ZC3HAV1: variants seen among roughly 807,000 people sequenced by gnomAD.
ZC3HAV1 encodes the protein zinc finger CCCH-type containing, antiviral 1, also known as zinc finger CCCH-type antiviral protein 1.
Under a neutral mutation model 86.6 loss-of-function variants are expected in ZC3HAV1, and 41 were observed. The ratio of observed to expected loss-of-function variants is 0.47; its 90% CI spans 0.37 to 0.61. ZC3HAV1 has a LOEUF of 0.61. Among genes scored for constraint, ZC3HAV1 ranks in the 20% least tolerant of loss-of-function variants. ZC3HAV1 has a pLI of 0.00. For missense variants in ZC3HAV1, 964 were observed against 1,141.1 expected, an observed-to-expected ratio of 0.84 and a Z score of 2.24; for synonymous variants, 421 against 432.1, an observed-to-expected ratio of 0.97 and a Z score of 0.32.
At chr7:139,066,216 C>T (rs538369881) in intron 7 of ZC3HAV1, among the ~76,000 whole-genome samples, 1 of 152,156 alleles carries the variant, frequency 6.6e-6, no homozygotes, top group African/African-American at 2.4e-5. Flanking sequence ...TTCCAAGCAG[C>T]CGTGGTGGAG....
At chr7:139,077,820 A>AC (rs34786863) in intron 5 of ZC3HAV1, among the ~76,000 whole-genome samples, 12 of 152,052 alleles carry the variant, frequency 7.9e-5, no homozygotes, top group African/African-American at 2.9e-4. Context: ...AAACAAACAA[A>AC]AAAGACAGGT....
chr7:139,091,248 C>G (rs935349940), intron 1 of ZC3HAV1, among the ~76,000 whole-genome samples: 13 of 152,152 alleles, frequency 8.5e-5, no homozygotes, highest in African/African-American at 3.1e-4. Context: ...GCCTGTAATC[C>G]CAGCACTTCG....
chr7:139,053,683 C>T, intron 11 of ZC3HAV1, 102 bp from the exon 12 acceptor site: 1 of 1,425,150 alleles, frequency 7.0e-7, no homozygotes, highest in Non-Finnish European at 9.3e-7. Context: ...AATTTCACTC[C>T]ATCAGCTTTC....
intron 1 of ZC3HAV1, among the ~76,000 whole-genome samples, chr7:139,097,428 A>ATATATATATATTTTTTTTTTTT: frequency 2.1e-5 from 1 of 48,160 alleles, no homozygotes; most frequent in African/African-American, 1.1e-4. Flanking sequence ...ATATATATAT[A>ATATATATATATTTTTTTTTTTT]TTTTTTTTTT....
chr7:139,085,296 G>A (rs148304121), intron 2 of ZC3HAV1, among the ~76,000 whole-genome samples: 11 of 152,190 alleles, frequency 7.2e-5, no homozygotes, highest in Non-Finnish European at 1.3e-4. Flanking sequence ...TTCCCACGCC[G>A]ATATTAAGCA....
At position 139,083,960 on chromosome 7, in the gene ZC3HAV1, T is replaced by C. The variant is rs1287444758; in HGVS notation, c.517A>G (p.Ile173Val). Reference sequence around the variant, plus strand: ...TTCCCTCGGGTGAAGTGGTCACAGATGTGGAGTCTTGAACACGGTGGCTGC... The same window carrying C: ...TTCCCTCGGGTGAAGTGGTCACAGACGTGGAGTCTTGAACACGGTGGCTGC... ...NQQPPCSRLH[I>V]CDHFTRGNCR... The change falls in exon 3 of 13, where the codon ATC (isoleucine) becomes GTC (valine). Residue 173 changes from isoleucine to valine, a missense_variant. Ile to Val is a conservative substitution (Grantham distance 29). Coordinates refer to ENST00000242351, the MANE Select transcript of ZC3HAV1 (RefSeq NM_020119.4). 1.9e-6 allele frequency: 3 copies of C among 1,613,944 alleles called. No individual in the cohort carries two copies. Among genetic ancestry groups the C allele is most frequent in the African/African-American group, 2.7e-5 (2 of 74,884 alleles).
At chr7:139,060,975 T>C (rs1816426784) in intron 9 of ZC3HAV1, 61 bp downstream of exon 9, 1 of 1,609,868 alleles carries the variant, frequency 6.2e-7, no homozygotes, top group Non-Finnish European at 8.5e-7. Context: ...AGTGACTTGA[T>C]GAGCCCAGGG....
At chr7:139,066,822 T>C (rs1386970477) in intron 7 of ZC3HAV1, among the ~76,000 whole-genome samples, 1 of 152,184 alleles carries the variant, frequency 6.6e-6, no homozygotes, top group African/African-American at 2.4e-5. Flanking sequence ...ATGCATCCAC[T>C]GCCTGCTCAG....
chr7:139,087,330 A>T (rs545962442), intron 2 of ZC3HAV1, among the ~76,000 whole-genome samples: 7 of 152,312 alleles, frequency 4.6e-5, no homozygotes, highest in African/African-American at 1.7e-4. Context: ...TCCCAAGACA[A>T]GACCTTTAAA....
chr7:139,057,153 T>C (rs28526780), intron 9 of ZC3HAV1, among the ~76,000 whole-genome samples: 95,415 of 151,674 alleles, frequency 0.63, 30,251 homozygotes, highest in African/African-American at 0.71. Context: ...GTTTAAGACC[T>C]GCCTGAGCAA....
chr7:139,045,223 C>A lies in ZC3HAV1; in HGVS notation c.*2371G>T, dbSNP rs565064173. ...ATAAAGAAGATGTATTTCTATTTGT[C>A]GTTTAGAAAAAAAAAGGCAGAAATG... On this transcript the variant is annotated 3_prime_UTR_variant, in exon 13 of 13. Coordinates refer to ENST00000242351, the MANE Select transcript of ZC3HAV1 (RefSeq NM_020119.4). 2.0e-5 allele frequency: 3 copies of A among 151,830 alleles called. No homozygotes were observed. Among genetic ancestry groups the A allele is most frequent in the African/African-American group, 7.2e-5 (3 of 41,428 alleles). The allele number at this position is 151,830 out of a possible 1,614,324, so 9.4% of individuals were successfully genotyped here.
chr7:139,094,582 AC>A (rs1016128099), intron 1 of ZC3HAV1, among the ~76,000 whole-genome samples: 4 of 152,028 alleles, frequency 2.6e-5, no homozygotes, highest in Admixed American at 6.6e-5. Context: ...AAGCCTAAAA[AC>A]AAACGACCTT....
intron 2 of ZC3HAV1, among the ~76,000 whole-genome samples, chr7:139,087,865 C>T (rs1383045544): frequency 6.6e-6 from 1 of 151,382 alleles, no homozygotes; most frequent in Non-Finnish European, 1.5e-5. Context: ...CCTGTCCCTA[C>T]TAAAATTTAA....
intron 7 of ZC3HAV1, among the ~76,000 whole-genome samples, chr7:139,072,905 T>C (rs1816821973): frequency 1.3e-5 from 2 of 152,226 alleles, no homozygotes; most frequent in African/African-American, 4.8e-5. Flanking sequence ...ATTTTATGTG[T>C]TTATACATAG....
At chr7:139,066,342 C>T (rs1043960466) in intron 7 of ZC3HAV1, among the ~76,000 whole-genome samples, 5 of 152,148 alleles carry the variant, frequency 3.3e-5, no homozygotes, top group African/African-American at 1.2e-4. Flanking sequence ...ACAGAATGTA[C>T]GTGTCCAAGG....
At chr7:139,070,810 G>A (rs1419861499) in intron 7 of ZC3HAV1, among the ~76,000 whole-genome samples, 1 of 151,720 alleles carries the variant, frequency 6.6e-6, no homozygotes, top group Non-Finnish European at 1.5e-5. Flanking sequence ...GTGAAACCCC[G>A]TCTCAACTAA....
In ZC3HAV1 at chr7:139,109,393, C is replaced by T; in HGVS notation, c.-62G>A. On this transcript the variant is annotated 5_prime_UTR_variant, in exon 1 of 13. Coordinates refer to ENST00000242351, the MANE Select transcript of ZC3HAV1 (RefSeq NM_020119.4). ...ACTCGGTTCCGCGGAAATCGGAAAT[C>T]GAAACTTACAAGTGTCCAGGGGCGG... 6.8e-7 allele frequency: 1 copy of T among 1,472,508 alleles called. No individual in the cohort carries two copies. The highest frequency in any genetic ancestry group is 2.4e-5 in the East Asian group (1 of 40,858). 91.2% of individuals were successfully genotyped at this position (1,472,508 alleles called of 1,614,324 possible).
At chr7:139,059,230 C>A (rs1459876030) in intron 9 of ZC3HAV1, among the ~76,000 whole-genome samples, 2 of 152,170 alleles carry the variant, frequency 1.3e-5, no homozygotes, top group Non-Finnish European at 2.9e-5. Context: ...GCCTCATCCA[C>A]CAGAATGTAA....
In ZC3HAV1 at chr7:139,083,791, G is replaced by A; in HGVS notation, c.686C>T (p.Pro229Leu). ...GAAAAGGCCTTTACCTCTGGGCCCT[G>A]GGGGATTCTTCTGCATGTGCTTGCT... The part of the protein sequence containing the change: ...CNSKHMQKNP[P>L]GPRAPSSHRR... The change falls in exon 3 of 13, where the codon CCA (proline) becomes CTA (leucine). Residue 229 changes from proline (P) to leucine (L), a missense_variant. Pro to Leu is a moderately conservative substitution (Grantham distance 98). Coordinates refer to ENST00000242351, the MANE Select transcript of ZC3HAV1 (RefSeq NM_020119.4). 1 of 1,611,392 alleles carries A rather than the reference G, an allele frequency of 6.2e-7. No homozygotes were observed. The highest frequency in any genetic ancestry group is 8.5e-7 in the Non-Finnish European group (1 of 1,178,010).
Sources: allele counts gnomAD v4.1 joint callset (sites outside exome capture counted in the v4.1 genomes callset), GRCh38; gene constraint gnomAD v4.1.1; transcripts MANE v1.5; gene names NCBI Gene and HGNC (gene_info 2026-07-23, HGNC 2026-07-21).